The following LRP1 variants were observed in gnomAD, a reference collection of about 807,000 sequenced individuals.
LRP1 encodes the protein LDL receptor related protein 1.
A neutral mutation model predicts 541.5 loss-of-function variants in LRP1; 51 were observed. That is an observed-to-expected ratio of 0.09 (90% confidence interval 0.08 to 0.12). The LOEUF is 0.12. LRP1 is among the 10% of genes least tolerant of loss of function. The pLI is 1.00. For synonymous variants in LRP1, 2,219 were observed against 2,470.8 expected (o/e 0.90, Z 3.02); for missense variants, 3,878 against 6,376.2 (o/e 0.61, Z 13.34).
Position 57,191,396 on chromosome 12 carries a change from T to G in LRP1, c.7313T>G (p.Val2438Gly), listed in dbSNP as rs1592646576. The G allele has an allele frequency of 6.2e-7, 1 of 1,613,174 alleles. No homozygotes were observed. Among genetic ancestry groups the G allele is most frequent in the South Asian group, 1.1e-5 (1 of 91,056 alleles). Residue 2438 changes from valine (V) to glycine (G), a missense_variant, in exon 44 of 89, where the codon GTG becomes GGG. By Grantham distance (109) the Val-to-Gly change is moderately radical. Coordinates refer to ENST00000243077, the MANE Select transcript of LRP1 (RefSeq NM_002332.3). ...GAGCACATTTTCTGGACTGACTGGG[T>G]GCGGCGGGCAGTGCAGCGGGCCAAC... ...YGEHIFWTDW[V>G]RRAVQRANKH...
chr12:57,135,834 G>A lies in LRP1; in HGVS notation c.68-2625G>A, dbSNP rs187840844. Among the ~76,000 whole-genome samples the A allele has an allele frequency of 4.1e-3, 629 of 152,252 alleles. 3 individuals carry two copies. Among genetic ancestry groups the A allele is most frequent in the African/African-American group, 0.015 (603 of 41,544 alleles). Reference sequence around the variant, plus strand: ...AGTTCAGGCCAAAAATGGGGGTGGGGGACAGCGGGGGGGACTCAGTGAGGG... The same window carrying A: ...AGTTCAGGCCAAAAATGGGGGTGGGAGACAGCGGGGGGGACTCAGTGAGGG... On this transcript the variant is annotated intron_variant, in intron 1 of 88. Coordinates refer to ENST00000243077, the MANE Select transcript of LRP1 (RefSeq NM_002332.3).
At chr12:57,208,603 C>T in intron 77 of LRP1, 108 bp from the exon 78 acceptor site, 1 of 678,132 alleles carries the variant, frequency 1.5e-6, no homozygotes, top group Non-Finnish European at 2.6e-6. Flanking sequence ...ATGCCCTCCT[C>T]CCAGTCCCCA....
In LRP1 at chr12:57,130,965, G is replaced by A. The variant is rs575096426; in HGVS notation, c.67+1934G>A. ...TTGGGAGTGGGAATATAAATAATCA[G>A]CTCCACCCCACTCTTGGGTACAGGG... On this transcript the variant is annotated intron_variant, in intron 1 of 88. Coordinates refer to ENST00000243077, the MANE Select transcript of LRP1 (RefSeq NM_002332.3). Among the ~76,000 whole-genome samples, 18 of 152,182 alleles carry A rather than the reference G, an allele frequency of 1.2e-4. No homozygotes were observed. In the South Asian group the frequency reaches 1.5e-3, roughly 12 times the overall value.
chr12:57,174,950 G>T (rs940719748), intron 22 of LRP1, among the ~76,000 whole-genome samples: 6 of 152,162 alleles, frequency 3.9e-5, no homozygotes, highest in African/African-American at 1.4e-4. Flanking sequence ...GGAAGATAAG[G>T]CCACAGGGAC....
chr12:57,163,022 C>G (rs771394346), intron 15 of LRP1, 39 bp downstream of exon 15: 1 of 1,575,670 alleles, frequency 6.3e-7, no homozygotes, highest in Non-Finnish European at 8.6e-7. Context: ...GGAAGCAGAC[C>G]CCATCAGGAG....
At chr12:57,166,503 G>C (rs1370542119) in intron 17 of LRP1, 1 of 423,412 alleles carries the variant, frequency 2.4e-6, no homozygotes, top group Non-Finnish European at 4.3e-6. Flanking sequence ...TGAGGCTGCA[G>C]TGAGCCATGG....
At position 57,211,460 on chromosome 12, in the gene LRP1, G is replaced by T. The variant is rs1293524007; in HGVS notation, c.13092-27G>T. On this transcript the variant is annotated intron_variant, in intron 84 of 88. Coordinates refer to ENST00000243077, the MANE Select transcript of LRP1 (RefSeq NM_002332.3). The surrounding 1 kb of genome is among the most constrained non-coding windows in gnomAD (Gnocchi z 4.3). ...CCCAGGCACGCCTCTGCCAGCCCCAGCCCCAGCCTCTGATTCCTTCCTGCA... is the reference window on the plus strand; with the variant it reads ...CCCAGGCACGCCTCTGCCAGCCCCATCCCCAGCCTCTGATTCCTTCCTGCA... 6.8e-6 allele frequency: 11 copies of T among 1,612,048 alleles called. No homozygotes were observed. In the East Asian group the frequency reaches 2.0e-4, roughly 29 times the overall value.
At position 57,154,197 on chromosome 12, in the gene LRP1, G is replaced by A. The variant is rs753428149; in HGVS notation, c.842-11G>A. ...ACCCCACCCCATGGCTCTTTCATTC[G>A]TACTCTCCAGACGTGGAACAGATGG... On this transcript the variant is annotated splice_polypyrimidine_tract_variant and intron_variant, in intron 6 of 88. Transcript: ENST00000243077. The surrounding 1 kb of genome is among the most constrained non-coding windows in gnomAD (Gnocchi z 4.6). 3.3e-5 allele frequency: 53 copies of A among 1,607,728 alleles called. No individual in the cohort carries two copies. Among genetic ancestry groups the A allele is most frequent in the African/African-American group, 8.0e-5 (6 of 74,840 alleles).
intron 78 of LRP1, 64 bp from the exon 79 acceptor site, chr12:57,209,019 G>A (rs1230809458): frequency 1.4e-6 from 2 of 1,397,420 alleles, no homozygotes; most frequent in Non-Finnish European, 2.0e-6. Context: ...CATGGAGGCA[G>A]TTCTTTCCAC....
rs1335084371 is a variant in LRP1, at chr12:57,173,628, T to C, written c.3347-152T>C. ...AGATTCCTGCCTTGTTTGTTGCCTA[T>C]GTGAATTTGACCCAAAAAGCCTCGG... On this transcript the variant is annotated intron_variant, in intron 21 of 88. Transcript: ENST00000243077. This position sits in a 1 kb window ranked among gnomAD's most constrained non-coding sequence, Gnocchi z 4.7. 8 of 783,760 alleles carry C rather than the reference T, an allele frequency of 1.0e-5. No individual in the cohort carries two copies. Among genetic ancestry groups the C allele is most frequent in the African/African-American group, 6.9e-5 (4 of 57,934 alleles). The allele number at this position is 783,760 out of a possible 1,614,324, so 48.6% of individuals were successfully genotyped here.
chr12:57,194,412 C>T lies in LRP1; in HGVS notation c.7977C>T (p.Pro2659=). Residue 2659 remains proline (P), a synonymous_variant, in exon 49 of 89, where the codon CCC becomes CCT. Coordinates refer to ENST00000243077, the MANE Select transcript of LRP1 (RefSeq NM_002332.3). ...RLGVKGVLFQ[P]CERTSLCYAP... Reference sequence around the variant, plus strand: ...GCGTGAAGGGCGTGCTCTTCCAGCCCTGCGAGCGGACCTCACTCTGCTACG... The same window carrying T: ...GCGTGAAGGGCGTGCTCTTCCAGCCTTGCGAGCGGACCTCACTCTGCTACG... 6.6e-7 allele frequency: 1 copy of T among 1,525,672 alleles called. No individual in the cohort carries two copies. 94.5% of individuals were successfully genotyped at this position (1,525,672 alleles called of 1,614,324 possible).
At chr12:57,152,285 G>A (rs568258278) in intron 6 of LRP1, among the ~76,000 whole-genome samples, 7 of 152,232 alleles carry the variant, frequency 4.6e-5, no homozygotes, top group African/African-American at 1.4e-4. Context: ...GAAGCCTCAG[G>A]AAGTCGGAGA....
chr12:57,191,827 CCACACACAT>C (rs1565743734), intron 44 of LRP1, among the ~76,000 whole-genome samples: 9 of 92,334 alleles, frequency 9.7e-5, no homozygotes, highest in East Asian at 3.8e-4. Flanking sequence ...ATATACCACA[CCACACACAT>C]ACCACACACA....
chr12:57,184,305 A>G lies in LRP1; in HGVS notation c.6060-21A>G, dbSNP rs1175530087. On this transcript the variant is annotated intron_variant, in intron 37 of 88. Transcript: ENST00000243077. The surrounding 1 kb of genome is among the most constrained non-coding windows in gnomAD (Gnocchi z 7.8). ...CTCCAGGGTCTGAGGACTGACCCCCACTTCCACCCCCACCCTACAGGTACT... is the reference window on the plus strand; with the variant it reads ...CTCCAGGGTCTGAGGACTGACCCCCGCTTCCACCCCCACCCTACAGGTACT... 1 of 1,613,894 alleles carries G rather than the reference A, an allele frequency of 6.2e-7. No individual in the cohort carries two copies. Among genetic ancestry groups the G allele is most frequent in the Non-Finnish European group, 8.5e-7 (1 of 1,179,986 alleles).
Position 57,178,800 on chromosome 12 carries a change from G to T in LRP1, c.4607-90G>T. On this transcript the variant is annotated intron_variant, in intron 27 of 88. Coordinates refer to ENST00000243077, the MANE Select transcript of LRP1 (RefSeq NM_002332.3). This position sits in a 1 kb window ranked among gnomAD's most constrained non-coding sequence, Gnocchi z 5.8. ...GTAGTAGCGGCTGCTGGAACAGGGG[G>T]AGGAGAGTGGGCGAGGAAGGGGTGG... 2 of 1,534,276 alleles carry T rather than the reference G, an allele frequency of 1.3e-6. No homozygotes were observed. The highest frequency in any genetic ancestry group is 8.8e-7 in the Non-Finnish European group (1 of 1,140,102).
At chr12:57,144,865 C>G (rs929261855) in intron 4 of LRP1, 107 bp from the exon 5 acceptor site, 1 of 1,161,556 alleles carries the variant, frequency 8.6e-7, no homozygotes, top group African/African-American at 1.5e-5. Context: ...CCGAACTGTC[C>G]TTCAAGGTAG....
intron 77 of LRP1, 197 bp downstream of exon 77, chr12:57,208,413 G>T: frequency 1.6e-6 from 1 of 639,238 alleles, no homozygotes; most frequent in Non-Finnish European, 2.7e-6. Flanking sequence ...CCCCAGCTGG[G>T]CCTGCTTGGG....
chr12:57,200,889 C>G, intron 64 of LRP1, 74 bp downstream of exon 64: 1 of 1,382,360 alleles, frequency 7.2e-7, no homozygotes, highest in East Asian at 3.5e-5. Flanking sequence ...CTTTCAAGTG[C>G]AGGGAAGTTG....
chr12:57,198,618 C>T lies in LRP1; in HGVS notation c.9624C>T (p.Ala3208=), dbSNP rs376370369. The T allele has an allele frequency of 4.3e-6, 7 of 1,613,388 alleles. No homozygotes were observed. In the African/African-American group the frequency reaches 9.3e-5, roughly 22 times the overall value. ...YVTERIYWAD[A]REDYIEFASL... is the part of the protein sequence containing the mutation. ...CTGAGCGCATCTACTGGGCCGACGC[C>T]CGCGAGGACTACATTGAATTTGCCA... The change falls in exon 60 of 89, where the codon GCC becomes GCT. Residue 3208 remains alanine, a synonymous_variant. Coordinates refer to ENST00000243077, the MANE Select transcript of LRP1 (RefSeq NM_002332.3).
Sources: gnomAD v4.1 joint callset for allele counts (sites outside exome capture counted in the v4.1 genomes callset) on GRCh38, gnomAD v4.1.1 for gene constraint, Gnocchi (gnomAD v3.1) non-coding constraint, MANE v1.5 for transcripts, NCBI Gene and HGNC (gene_info 2026-07-23, HGNC 2026-07-21) for gene names.